PCSK1: variants seen among roughly 807,000 people sequenced by gnomAD.
The protein encoded by PCSK1 is proprotein convertase subtilisin/kexin type 1, also known as neuroendocrine convertase 1.
In PCSK1, 56 loss-of-function variants were observed where a neutral mutation model predicts 90.6. The ratio of observed to expected loss-of-function variants is 0.62; its 90% CI spans 0.50 to 0.77. The LOEUF is 0.77. Ranked by LOEUF, PCSK1 falls within the 30% of genes least tolerant of loss-of-function variation. PCSK1 has a pLI of 0.00. For missense variants in PCSK1, 801 were observed against 932.6 expected (o/e 0.86, Z 1.84); for synonymous variants, 348 against 342.4 (o/e 1.02, Z -0.18).
intron 9 of PCSK1, among the ~76,000 whole-genome samples, chr5:96,402,194 G>A (rs191321550): frequency 3.2e-4 from 48 of 152,220 alleles, no homozygotes; most frequent in Admixed American, 7.8e-4. Context: ...TGAAGAGTCC[G>A]GCTCCTAGTT....
At chr5:96,427,362 T>C (rs1761342121) in intron 2 of PCSK1, among the ~76,000 whole-genome samples, 2 of 152,188 alleles carry the variant, frequency 1.3e-5, no homozygotes, top group South Asian at 4.1e-4. Flanking sequence ...AGAGGAAAAT[T>C]GGTAGTGTCT....
intron 9 of PCSK1, among the ~76,000 whole-genome samples, chr5:96,405,840 G>A (rs946811198): frequency 2.6e-5 from 4 of 152,120 alleles, no homozygotes; most frequent in Non-Finnish European, 4.4e-5. Context: ...TACTATATTG[G>A]TCACTATACA....
intron 3 of PCSK1, among the ~76,000 whole-genome samples, chr5:96,424,864 G>GAGGCAGGAGAATCGCTTGA (rs1198293573): frequency 3.3e-5 from 5 of 151,838 alleles, no homozygotes; most frequent in African/African-American, 1.2e-4. Context: ...TCCAGAGGCT[G>GAGGCAGGAGAATCGCTTGA]AGGCAGGAGA....
At chr5:96,401,504 A>C (rs1316801930) in intron 9 of PCSK1, among the ~76,000 whole-genome samples, 1 of 152,200 alleles carries the variant, frequency 6.6e-6, no homozygotes. Context: ...TGAGTAAGGA[A>C]ATAGTAAAAT....
chr5:96,405,620 G>A (rs1044838851), intron 9 of PCSK1, among the ~76,000 whole-genome samples: 7 of 152,082 alleles, frequency 4.6e-5, no homozygotes, highest in South Asian at 2.1e-4. Context: ...GCAGTGAGCC[G>A]AGATCTTGCC....
chr5:96,425,746 C>G lies in PCSK1; in HGVS notation c.396+74G>C, dbSNP rs891515009. 1.5e-4 allele frequency: 123 copies of G among 802,766 alleles called. 1 individual carries two copies. Among genetic ancestry groups the G allele is most frequent in the Non-Finnish European group, 2.0e-4 (92 of 467,244 alleles). 49.7% of individuals were successfully genotyped at this position (802,766 alleles called of 1,614,324 possible). A position where few individuals can be genotyped will look rare whatever the true frequency, so the allele number is the denominator to read the frequency against. ...TCCATCATAAAAAAAAAAAAAAATC[C>G]ATGTTGCAAATGTAACAACATAAAG... is the stretch of plus-strand genomic sequence containing the variant. On this transcript the variant is annotated intron_variant, in intron 3 of 13. Transcript: ENST00000311106.
Position 96,413,855 on chromosome 5 carries a change from C to T in PCSK1, c.710-1365G>A, listed in dbSNP as rs143479377. 8.4e-3 allele frequency among the ~76,000 whole-genome samples: 1,222 copies of T among 145,528 alleles called. 24 individuals are homozygous for T. Among genetic ancestry groups the T allele is most frequent in the African/African-American group, 0.03 (1,166 of 38,982 alleles). On this transcript the variant is annotated intron_variant, in intron 6 of 13. Coordinates refer to ENST00000311106, the MANE Select transcript of PCSK1 (RefSeq NM_000439.5). ...AAAAAATCGGCCAGGTGCGGTGGCT[C>T]ACGCCTGTAATCCCAGCACTTTGGG...
In PCSK1 at chr5:96,410,765, G is replaced by A; in HGVS notation, c.1095+9C>T. On this transcript the variant is annotated intron_variant, in intron 8 of 13. Transcript: ENST00000311106. ...ACTAAGCAGAGAGAATTAGACAAAA[G>A]CAACATACGATTCTCTGGTCGGTGT... 1 of 1,608,148 alleles carries A rather than the reference G, an allele frequency of 6.2e-7. No homozygotes were observed. The highest frequency in any genetic ancestry group is 8.5e-7 in the Non-Finnish European group (1 of 1,174,520).
intron 9 of PCSK1, among the ~76,000 whole-genome samples, chr5:96,400,904 G>A (rs1476232005): frequency 5.3e-5 from 8 of 151,568 alleles, no homozygotes; most frequent in South Asian, 2.1e-4. Flanking sequence ...TGGCTAACAC[G>A]GTGAAACCCC....
intron 9 of PCSK1, among the ~76,000 whole-genome samples, chr5:96,407,161 A>G (rs917150852): frequency 6.6e-6 from 1 of 152,242 alleles, no homozygotes; most frequent in Non-Finnish European, 1.5e-5. Flanking sequence ...AAGAAGCCTT[A>G]AAGAAACAGA....
chr5:96,399,501 T>C (rs1422368312), intron 10 of PCSK1, among the ~76,000 whole-genome samples: 2 of 152,204 alleles, frequency 1.3e-5, no homozygotes, highest in South Asian at 2.1e-4. Flanking sequence ...TGATAAAGAA[T>C]CCCTCATGGA....
rs1481287734 is a variant in PCSK1, at chr5:96,392,595, T to A, written c.*406A>T. ...CACATGGACAAGACAGGGAACAAGC[T>A]ACAGAAACAGTTTCTGACTCCTTCT... On this transcript the variant is annotated 3_prime_UTR_variant, in exon 14 of 14. Transcript: ENST00000311106. 4.9e-6 allele frequency: 1 copy of A among 204,718 alleles called. No homozygotes were observed. Among genetic ancestry groups the A allele is most frequent in the Non-Finnish European group, 9.9e-6 (1 of 100,938 alleles). 12.7% of individuals were successfully genotyped at this position (204,718 alleles called of 1,614,324 possible). A position where few individuals can be genotyped will look rare whatever the true frequency, so the allele number is the denominator to read the frequency against.
chr5:96,393,363 C>T lies in PCSK1; in HGVS notation c.1900G>A (p.Glu634Lys). ...VDPGEEQPTQ[E>K]NPKENTLVSK... is the part of the protein sequence containing the mutation. ...ACCAGGGTGTTCTCCTTAGGGTTCT[C>T]TTGTGTGGGCTGCTCCTAAAACATA... Residue 634 changes from glutamate (E) to lysine (K), a missense_variant, in exon 14 of 14, where the codon GAG (glutamate) becomes AAG (lysine). By Grantham distance (56) the Glu-to-Lys change is moderately conservative. Transcript: ENST00000311106. 6.2e-7 allele frequency: 1 copy of T among 1,613,838 alleles called. No individual in the cohort carries two copies. Among genetic ancestry groups the T allele is most frequent in the Non-Finnish European group, 8.5e-7 (1 of 1,179,942 alleles).
At chr5:96,399,290 A>T (rs1333428157) in intron 10 of PCSK1, among the ~76,000 whole-genome samples, 1 of 152,218 alleles carries the variant, frequency 6.6e-6, no homozygotes. Flanking sequence ...TAGACCCATC[A>T]AAAAGCCCCT....
intron 4 of PCSK1, 37 bp from the exon 5 acceptor site, chr5:96,421,993 TAAAAAAAAAAAAAAAA>T: frequency 8.4e-6 from 3 of 355,780 alleles, no homozygotes; most frequent in African/African-American, 1.0e-4. Flanking sequence ...GTGGCAGCAT[TAAAAAAAAAAAAAAAA>T]AAAAAAAAAA....
chr5:96,422,442 C>T (rs1761158431), intron 4 of PCSK1, among the ~76,000 whole-genome samples: 1 of 152,188 alleles, frequency 6.6e-6, no homozygotes. Context: ...ACTAAATAAA[C>T]ATGTAATTTA....
At chr5:96,421,361 A>T (rs143671076) in intron 5 of PCSK1, among the ~76,000 whole-genome samples, 18 of 150,592 alleles carry the variant, frequency 1.2e-4, no homozygotes, top group African/African-American at 4.4e-4. Flanking sequence ...TGCCCTGGAG[A>T]CTGTGTTGGA....
At chr5:96,405,772 TAC>T (rs1760539210) in intron 9 of PCSK1, among the ~76,000 whole-genome samples, 2 of 152,356 alleles carry the variant, frequency 1.3e-5, no homozygotes, top group African/African-American at 4.8e-5. Flanking sequence ...ATTGCACTTT[TAC>T]AATTTCAGCT....
At chr5:96,398,686 C>T (rs1030773291) in intron 11 of PCSK1, among the ~76,000 whole-genome samples, 193 bp downstream of exon 11, 3 of 152,038 alleles carry the variant, frequency 2.0e-5, no homozygotes, top group African/African-American at 7.2e-5. Context: ...CTCTGCTTAT[C>T]AAAGGATCAG....
Sources: gnomAD v4.1 joint callset for allele counts (sites outside exome capture counted in the v4.1 genomes callset) on GRCh38, gnomAD v4.1.1 for gene constraint, MANE v1.5 for transcripts, NCBI Gene and HGNC (gene_info 2026-07-23, HGNC 2026-07-21) for gene names.